The following CMC2 variants were observed in gnomAD, a reference collection of about 807,000 sequenced individuals.
CMC2 encodes the protein C-X9-C motif containing 2, also known as COX assembly mitochondrial protein 2 homolog.
Under a neutral mutation model 7.5 loss-of-function variants are expected in CMC2, and 5 were observed. That is an observed-to-expected ratio of 0.66 (90% CI 0.35 to 1.40). The LOEUF is 1.40. Ranked by LOEUF, CMC2 falls within the 40% of genes most tolerant of loss-of-function variation. The probability of loss-of-function intolerance (pLI) is 0.04; values close to 1 mark genes in which losing one functional copy is unlikely to be tolerated. For missense variants in CMC2, 115 were observed against 92.3 expected (o/e 1.25, Z -1.01); for synonymous variants, 37 against 31.4 (o/e 1.18, Z -0.60).
At chr16:80,997,227 C>T in intron 2 of CMC2, 87 bp downstream of exon 2, 1 of 798,904 alleles carries the variant, frequency 1.3e-6, no homozygotes, top group South Asian at 1.4e-5. Flanking sequence ...ATTATCGTTT[C>T]CTTCTATCAA....
chr16:80,998,426 C>CG (rs1968599719), intron 1 of CMC2: 1 of 152,100 alleles, frequency 6.6e-6, no homozygotes, highest in African/African-American at 2.4e-5. Context: ...GCACTGTGGG[C>CG]GGGCATGTAA....
Position 81,000,822 on chromosome 16 carries a change from G to C in CMC2, c.-35-3393C>G, listed in dbSNP as rs188315572. Reference sequence around the variant, plus strand: ...AAAGAGCTTAAAACAGCTACCACTAGATCCAGCAATCCCATTACTGGGTAT... The same window carrying C: ...AAAGAGCTTAAAACAGCTACCACTACATCCAGCAATCCCATTACTGGGTAT... On this transcript the variant is annotated intron_variant, in intron 1 of 3. Coordinates refer to ENST00000219400, the MANE Select transcript of CMC2 (RefSeq NM_020188.5). 5.7e-3 allele frequency among the ~76,000 whole-genome samples: 867 copies of C among 152,292 alleles called. 7 individuals carry two copies. Among genetic ancestry groups the C allele is most frequent in the Non-Finnish European group, 7.6e-3 (519 of 68,024 alleles).
At chr16:80,986,661 G>T (rs566539803) in intron 2 of CMC2, among the ~76,000 whole-genome samples, 1 of 152,202 alleles carries the variant, frequency 6.6e-6, no homozygotes, top group Admixed American at 6.5e-5. Flanking sequence ...AGAGAGATTC[G>T]GCAGAGAACA....
In CMC2 at chr16:80,969,736, A is replaced by G. The variant is rs2151602453; in HGVS notation, c.*6357T>C. 1 of 152,302 alleles carries G rather than the reference A, an allele frequency of 6.6e-6. No homozygotes were observed. Among genetic ancestry groups the G allele is most frequent in the East Asian group, 1.9e-4 (1 of 5,188 alleles). 9.4% of individuals were successfully genotyped at this position (152,302 alleles called of 1,614,324 possible). A position where few individuals can be genotyped will look rare whatever the true frequency, so the allele number is the denominator to read the frequency against. ...AACCCCGTCTCTACTAAAAGGACAAAAAAATTAGCCGGGCATCATGGTGCA... is the reference window on the plus strand; with the variant it reads ...AACCCCGTCTCTACTAAAAGGACAAGAAAATTAGCCGGGCATCATGGTGCA... On this transcript the variant is annotated 3_prime_UTR_variant, in exon 4 of 4. Transcript: ENST00000219400.
At chr16:80,991,251 C>A (rs577564193) in intron 2 of CMC2, among the ~76,000 whole-genome samples, 1 of 152,108 alleles carries the variant, frequency 6.6e-6, no homozygotes, top group African/African-American at 2.4e-5. Flanking sequence ...CTTGGAGGAA[C>A]AGGGTAACTT....
At chr16:80,983,457 A>T (rs1045074204) in intron 2 of CMC2, 1 of 152,246 alleles carries the variant, frequency 6.6e-6, no homozygotes, top group Non-Finnish European at 1.5e-5. Context: ...CAAAGACAGT[A>T]TAAAAGTTTT....
intron 2 of CMC2, among the ~76,000 whole-genome samples, chr16:80,985,088 C>T (rs934316772): frequency 6.6e-6 from 1 of 152,138 alleles, no homozygotes; most frequent in East Asian, 1.9e-4. Context: ...CAGAAGTGAG[C>T]AAGGTGGATC....
intron 2 of CMC2, among the ~76,000 whole-genome samples, chr16:80,988,218 T>C (rs144780602): frequency 2.6e-4 from 39 of 152,208 alleles, no homozygotes; most frequent in African/African-American, 8.4e-4. Context: ...CCCCCAGATA[T>C]AGACCTGCAG....
At chr16:81,006,134 G>T (rs567659263) in intron 1 of CMC2, among the ~76,000 whole-genome samples, 1 of 152,002 alleles carries the variant, frequency 6.6e-6, no homozygotes, top group Non-Finnish European at 1.5e-5. Flanking sequence ...AAGACTCTAC[G>T]TAAAACGCCT....
At chr16:80,997,152 A>T in intron 2 of CMC2, 162 bp downstream of exon 2, 1 of 610,580 alleles carries the variant, frequency 1.6e-6, no homozygotes, top group Non-Finnish European at 2.9e-6. Flanking sequence ...GTTTGTGTAA[A>T]AAAAAGAAAA....
intron 1 of CMC2, among the ~76,000 whole-genome samples, chr16:81,000,572 C>T (rs1968791306): frequency 6.6e-6 from 1 of 152,138 alleles, no homozygotes; most frequent in South Asian, 2.1e-4. Flanking sequence ...AAAAGATATA[C>T]AAGTGGCCAA....
At chr16:80,983,037 T>G (rs1366048450) in intron 2 of CMC2, 2 of 164,828 alleles carry the variant, frequency 1.2e-5, no homozygotes, top group African/African-American at 4.8e-5. Flanking sequence ...CATCATCTTG[T>G]AAACAGATGA....
Position 80,988,582 on chromosome 16 carries a change from T to C in CMC2, c.82-6705A>G, listed in dbSNP as rs1014328085. 7 of 685,146 alleles carry C rather than the reference T, an allele frequency of 1.0e-5. No homozygotes were observed. In the African/African-American group the frequency reaches 1.1e-4, roughly 11 times the overall value. 42.4% of individuals were successfully genotyped at this position (685,146 alleles called of 1,614,324 possible). A position where few individuals can be genotyped will look rare whatever the true frequency, so the allele number is the denominator to read the frequency against. On this transcript the variant is annotated intron_variant, in intron 2 of 3. Coordinates refer to ENST00000219400, the MANE Select transcript of CMC2 (RefSeq NM_020188.5). Reference sequence around the variant, plus strand: ...TCTTCTGAACCGAGTAAGTTGCAGATATGATGCACGTTTCCTAAAAAAAAC... The same window carrying C: ...TCTTCTGAACCGAGTAAGTTGCAGACATGATGCACGTTTCCTAAAAAAAAC...
intron 2 of CMC2, among the ~76,000 whole-genome samples, chr16:80,994,003 A>G (rs1443673067): frequency 6.6e-6 from 1 of 152,196 alleles, no homozygotes; most frequent in East Asian, 1.9e-4. Flanking sequence ...AGAGACATAT[A>G]AATCAGTGAA....
intron 1 of CMC2, among the ~76,000 whole-genome samples, chr16:81,002,326 C>T (rs1408984224): frequency 2.0e-5 from 3 of 151,804 alleles, no homozygotes; most frequent in Non-Finnish European, 4.4e-5. Context: ...CTTGGGAGGC[C>T]GAAGCAGGAG....
intron 3 of CMC2, 118 bp downstream of exon 3, chr16:80,981,688 A>C (rs1967124539): frequency 1.6e-6 from 1 of 627,942 alleles, no homozygotes; most frequent in Admixed American, 3.4e-5. Context: ...ATACATGTAA[A>C]GTCAATTTTC....
At chr16:80,986,030 G>A (rs1322661130) in intron 2 of CMC2, among the ~76,000 whole-genome samples, 1 of 152,052 alleles carries the variant, frequency 6.6e-6, no homozygotes, top group Middle Eastern at 3.4e-3. Flanking sequence ...ATAACGCATT[G>A]TATAGGCAAA....
chr16:81,000,171 T>A (rs910387237), intron 1 of CMC2, among the ~76,000 whole-genome samples: 6 of 152,088 alleles, frequency 3.9e-5, no homozygotes, highest in African/African-American at 1.4e-4. Context: ...AAGAAATTAA[T>A]TCAACAAGTA....
Position 80,969,923 on chromosome 16 carries a change from C to T in CMC2, c.*6170G>A, listed in dbSNP as rs950677797. 6.6e-6 allele frequency: 1 copy of T among 152,120 alleles called. No homozygotes were observed. Among genetic ancestry groups the T allele is most frequent in the African/African-American group, 2.4e-5 (1 of 41,410 alleles). 9.4% of individuals were successfully genotyped at this position (152,120 alleles called of 1,614,324 possible). On this transcript the variant is annotated 3_prime_UTR_variant, in exon 4 of 4. Coordinates refer to ENST00000219400, the MANE Select transcript of CMC2 (RefSeq NM_020188.5). ...AGAAAAAAACCCATGGAATATTGTT[C>T]CCATGAGAACTTCCTTAGGAATCTG...
Sources: gnomAD v4.1 joint callset for allele counts (sites outside exome capture counted in the v4.1 genomes callset) on GRCh38, gnomAD v4.1.1 for gene constraint, MANE v1.5 for transcripts, NCBI Gene and HGNC (gene_info 2026-07-23, HGNC 2026-07-21) for gene names.